FAR2: variants seen among roughly 807,000 people sequenced by gnomAD.
The protein encoded by FAR2 is fatty acyl-CoA reductase 2, also known as epididymis secretory protein Li 81.
A neutral mutation model predicts 56.0 loss-of-function variants in FAR2; 19 were observed. That is an observed-to-expected ratio of 0.34 (90% confidence interval 0.24 to 0.50). The LOEUF (loss-of-function observed/expected upper bound fraction) is 0.50, where lower values mean the gene tolerates loss of function less well. FAR2 is among the 20% of genes least tolerant of loss of function. The probability of loss-of-function intolerance (pLI) is 0.98; values close to 1 mark genes in which losing one functional copy is unlikely to be tolerated. For missense variants in FAR2, 508 were observed against 642.2 expected, an observed-to-expected ratio of 0.79 and a Z score of 2.26; for synonymous variants, 219 against 218.8, an observed-to-expected ratio of 1.00 and a Z score of -0.01.
At chr12:29,315,581 G>A (rs1262046914) in intron 8 of FAR2, among the ~76,000 whole-genome samples, 1 of 152,198 alleles carries the variant, frequency 6.6e-6, no homozygotes, top group Non-Finnish European at 1.5e-5. Flanking sequence ...CAACACTCCA[G>A]GCTACAGTAG....
chr12:29,295,756 ATTTT>A (rs61390530), intron 3 of FAR2, among the ~76,000 whole-genome samples: 1 of 88,390 alleles, frequency 1.1e-5, no homozygotes, highest in East Asian at 3.5e-4. Context: ...TTTTTACGTA[ATTTT>A]TTTTTTTTTT....
At chr12:29,240,768 T>A (rs572414697) in intron 1 of FAR2, among the ~76,000 whole-genome samples, 1 of 151,972 alleles carries the variant, frequency 6.6e-6, no homozygotes, top group South Asian at 2.1e-4. Flanking sequence ...TCTAAAGCAC[T>A]AGGAATGTCA....
chr12:29,203,737 C>A (rs371675323), intron 1 of FAR2, among the ~76,000 whole-genome samples: 1 of 152,054 alleles, frequency 6.6e-6, no homozygotes, highest in African/African-American at 2.4e-5. Flanking sequence ...CGGTGGCTCA[C>A]GCCTGTAATC....
At chr12:29,252,431 T>A (rs575639543) in intron 1 of FAR2, among the ~76,000 whole-genome samples, 3 of 152,336 alleles carry the variant, frequency 2.0e-5, no homozygotes, top group East Asian at 3.9e-4. Context: ...ATACCAGCTA[T>A]GACCATGAGA....
intron 4 of FAR2, chr12:29,301,947 T>A (rs1041018924): frequency 2.0e-5 from 3 of 152,136 alleles, no homozygotes; most frequent in African/African-American, 7.2e-5. Flanking sequence ...TAAAAGGTGC[T>A]TTCTCGCTGC....
At chr12:29,287,706 C>T (rs1036744686) in intron 2 of FAR2, among the ~76,000 whole-genome samples, 4 of 151,946 alleles carry the variant, frequency 2.6e-5, no homozygotes, top group South Asian at 2.1e-4. Context: ...AAGAGAAAGA[C>T]GTAGTAAAAT....
chr12:29,281,921 T>G (rs1365174772), intron 2 of FAR2, among the ~76,000 whole-genome samples: 1 of 152,122 alleles, frequency 6.6e-6, no homozygotes, highest in East Asian at 1.9e-4. Context: ...ATCCAAAAAA[T>G]TCAAGAAAAT....
intron 1 of FAR2, among the ~76,000 whole-genome samples, chr12:29,227,210 T>A (rs553185310): frequency 6.6e-6 from 1 of 152,318 alleles, no homozygotes; most frequent in South Asian, 2.1e-4. Flanking sequence ...ATTTGACCCC[T>A]TTGATGCTGA....
intron 10 of FAR2, among the ~76,000 whole-genome samples, chr12:29,327,971 T>C (rs1425614207): frequency 6.6e-6 from 1 of 152,094 alleles, no homozygotes; most frequent in Non-Finnish European, 1.5e-5. Flanking sequence ...ACAGGCAACC[T>C]ACAGAATGGG....
chr12:29,311,856 T>G (rs1197600277), intron 7 of FAR2, 27 bp from the exon 8 acceptor site: 2 of 1,483,620 alleles, frequency 1.3e-6, no homozygotes, highest in South Asian at 2.3e-5. Context: ...TTTGTTGTAC[T>G]TATCTAATTT....
At chr12:29,320,739 A>G (rs1437471723) in intron 9 of FAR2, among the ~76,000 whole-genome samples, 1 of 152,204 alleles carries the variant, frequency 6.6e-6, no homozygotes, top group East Asian at 1.9e-4. Flanking sequence ...ACTATCTTAC[A>G]GCCATATTGT....
chr12:29,160,857 A>G (rs1012683281), intron 1 of FAR2, among the ~76,000 whole-genome samples: 3 of 152,044 alleles, frequency 2.0e-5, no homozygotes, highest in African/African-American at 7.2e-5. Context: ...CATCTTAACT[A>G]ATTGTATTTG....
chr12:29,307,616 T>A (rs747735367), intron 4 of FAR2, 42 bp from the exon 5 acceptor site: 3 of 1,543,286 alleles, frequency 1.9e-6, no homozygotes, highest in Non-Finnish European at 2.6e-6. Flanking sequence ...TGGTTTATTG[T>A]CTAACATATG....
rs115460081 is a variant in FAR2, at chr12:29,284,134, C to T, written c.190-9166C>T. On this transcript the variant is annotated intron_variant, in intron 2 of 11. Transcript: ENST00000536681. ...AACATTGAAAGGACAGTATCTATACCAAGGGAATAAAACCCTAAGTAGTAG... is the reference window on the plus strand; with the variant it reads ...AACATTGAAAGGACAGTATCTATACTAAGGGAATAAAACCCTAAGTAGTAG... 3.6e-3 allele frequency among the ~76,000 whole-genome samples: 544 copies of T among 152,184 alleles called. 6 individuals are homozygous for T. The highest frequency in any genetic ancestry group is 0.012 in the African/African-American group (482 of 41,514).
In FAR2 at chr12:29,271,448, T is replaced by G. The variant is rs147754658; in HGVS notation, c.189+810T>G. On this transcript the variant is annotated intron_variant, in intron 2 of 11. Coordinates refer to ENST00000536681, the MANE Select transcript of FAR2 (RefSeq NM_001271783.2). Reference sequence around the variant, plus strand: ...TTCATAGGAACTAAATGAGAAAATGTACATATGTTGTTCATAATGCACTTT... The same window carrying G: ...TTCATAGGAACTAAATGAGAAAATGGACATATGTTGTTCATAATGCACTTT... Among the ~76,000 whole-genome samples, 26 of 152,348 alleles carry G rather than the reference T, an allele frequency of 1.7e-4. No homozygotes were observed. The East Asian group carries it at 4.8e-3, about 28-fold the overall frequency.
At chr12:29,181,473 C>A (rs1428143638) in intron 1 of FAR2, among the ~76,000 whole-genome samples, 1 of 152,242 alleles carries the variant, frequency 6.6e-6, no homozygotes, top group Non-Finnish European at 1.5e-5. Context: ...AATGGCTTCT[C>A]TGGTCAGCTT....
At chr12:29,280,297 C>A (rs768784741) in intron 2 of FAR2, 4 of 152,182 alleles carry the variant, frequency 2.6e-5, no homozygotes, top group Non-Finnish European at 5.9e-5. Context: ...TATCCCTAGG[C>A]AAGACCCTCT....
intron 1 of FAR2, among the ~76,000 whole-genome samples, chr12:29,264,664 A>ATAAATAAAT (rs1948482569): frequency 2.0e-5 from 1 of 50,964 alleles, no homozygotes; most frequent in African/African-American, 1.6e-4. Flanking sequence ...AATAAAGGAG[A>ATAAATAAAT]GAGAGAGAGA....
chr12:29,332,771 G>A, intron 11 of FAR2, 44 bp downstream of exon 11: 1 of 1,553,028 alleles, frequency 6.4e-7, no homozygotes. Context: ...CACCTACTGT[G>A]CATCGACTTT....
Sources: gnomAD v4.1 joint callset for allele counts (sites outside exome capture counted in the v4.1 genomes callset) on GRCh38, gnomAD v4.1.1 for gene constraint, MANE v1.5 for transcripts, NCBI Gene and HGNC (gene_info 2026-07-23, HGNC 2026-07-21) for gene names.